The following TRAPPC12 variants were observed in gnomAD, a reference collection of about 807,000 sequenced individuals.
The protein encoded by TRAPPC12 is TPR repeat protein 15.
Under a neutral mutation model 69.2 loss-of-function variants are expected in TRAPPC12, and 61 were observed. The observed-to-expected ratio is 0.88, with a 90% CI of 0.72 to 1.09. The LOEUF (loss-of-function observed/expected upper bound fraction) is 1.09. TRAPPC12 is among the 50% of genes least tolerant of loss of function. The pLI, the probability that TRAPPC12 is intolerant of heterozygous loss-of-function variation, is 0.00. For synonymous variants in TRAPPC12, 469 were observed against 438.9 expected (o/e 1.07, Z -0.86); for missense variants, 1,101 against 1,016.4 (o/e 1.08, Z -1.13).
intron 6 of TRAPPC12, among the ~76,000 whole-genome samples, chr2:3,448,439 C>T (rs545408312): frequency 1.3e-5 from 2 of 152,180 alleles, no homozygotes; most frequent in Non-Finnish European, 2.9e-5. Flanking sequence ...TTGCTCCTGC[C>T]AAAAATTGCT....
intron 7 of TRAPPC12, among the ~76,000 whole-genome samples, chr2:3,459,044 G>A (rs1665336628): frequency 6.6e-6 from 1 of 152,238 alleles, no homozygotes; most frequent in Admixed American, 6.5e-5. Context: ...AAGTTTCTGT[G>A]TGTTCTCCTG....
chr2:3,424,712 G>T, intron 5 of TRAPPC12, 49 bp downstream of exon 5: 1 of 1,512,580 alleles, frequency 6.6e-7, no homozygotes, highest in Non-Finnish European at 8.8e-7. Context: ...GTGTCGCTCT[G>T]GTTTGCTTTG....
intron 8 of TRAPPC12, among the ~76,000 whole-genome samples, chr2:3,461,651 C>T (rs906564769): frequency 3.9e-5 from 6 of 152,192 alleles, no homozygotes; most frequent in African/African-American, 9.7e-5. Flanking sequence ...GTTTTTCTTC[C>T]GCTGCCACTC....
intron 4 of TRAPPC12, 44 bp downstream of exon 4, chr2:3,422,038 C>T: frequency 6.8e-7 from 1 of 1,477,012 alleles, no homozygotes; most frequent in Non-Finnish European, 9.3e-7. Flanking sequence ...TGGCTTATCA[C>T]AGTCTGGGGA....
At chr2:3,457,951 C>A in intron 7 of TRAPPC12, 1 of 1,368,752 alleles carries the variant, frequency 7.3e-7, no homozygotes, top group Non-Finnish European at 9.4e-7. Flanking sequence ...AGCACACGGC[C>A]CGGAACCTGC....
At chr2:3,413,412 C>G (rs966675153) in intron 3 of TRAPPC12, among the ~76,000 whole-genome samples, 5 of 152,198 alleles carry the variant, frequency 3.3e-5, no homozygotes, top group Non-Finnish European at 5.9e-5. Context: ...AATAGAGTGT[C>G]ATTCGGCCAG....
At chr2:3,417,173 T>TA (rs1008911218) in intron 3 of TRAPPC12, among the ~76,000 whole-genome samples, 8 of 152,198 alleles carry the variant, frequency 5.3e-5, no homozygotes, top group African/African-American at 1.7e-4. Context: ...TGTCATTTTG[T>TA]AAAACCCAGC....
At chr2:3,472,993 C>T (rs543161682) in intron 9 of TRAPPC12, among the ~76,000 whole-genome samples, 1 of 152,324 alleles carries the variant, frequency 6.6e-6, no homozygotes, top group Non-Finnish European at 1.5e-5. Flanking sequence ...TGCTAAGACA[C>T]CGAGGGCGGG....
At chr2:3,418,837 C>T (rs1483028684) in intron 3 of TRAPPC12, among the ~76,000 whole-genome samples, 1 of 152,202 alleles carries the variant, frequency 6.6e-6, no homozygotes, top group Non-Finnish European at 1.5e-5. Flanking sequence ...GATGACACGA[C>T]ACTGCTGTGG....
At chr2:3,400,951 T>A (rs1052534801) in intron 2 of TRAPPC12, among the ~76,000 whole-genome samples, 1 of 152,182 alleles carries the variant, frequency 6.6e-6, no homozygotes, top group South Asian at 2.1e-4. Context: ...CTCCCTCCCC[T>A]TGCCCTTCTG....
intron 6 of TRAPPC12, chr2:3,454,846 G>A (rs1665053038): frequency 6.6e-6 from 1 of 152,272 alleles, no homozygotes; most frequent in Non-Finnish European, 1.5e-5. Flanking sequence ...GCTCACTACA[G>A]AGGTCTGGGG....
chr2:3,470,276 C>T (rs1297123547), intron 9 of TRAPPC12, among the ~76,000 whole-genome samples: 1 of 152,266 alleles, frequency 6.6e-6, no homozygotes, highest in Non-Finnish European at 1.5e-5. Flanking sequence ...TTTCCAGCTC[C>T]TAAGAACACC....
chr2:3,433,159 A>G (rs1572151803), intron 5 of TRAPPC12, among the ~76,000 whole-genome samples: 1 of 152,310 alleles, frequency 6.6e-6, no homozygotes, highest in African/African-American at 2.4e-5. Context: ...CAGTATCCCC[A>G]GCGTTGAGCA....
At chr2:3,449,939 T>C (rs911910268) in intron 6 of TRAPPC12, among the ~76,000 whole-genome samples, 4 of 152,130 alleles carry the variant, frequency 2.6e-5, no homozygotes, top group African/African-American at 9.7e-5. Flanking sequence ...CCCTGCTCTT[T>C]GCCATTGAAG....
chr2:3,416,322 G>A (rs11894083), intron 3 of TRAPPC12, among the ~76,000 whole-genome samples: 51,400 of 151,956 alleles, frequency 0.34, 10,071 homozygotes, highest in African/African-American at 0.54. Flanking sequence ...CATTCGCACC[G>A]TGACTTCCAC....
chr2:3,464,196 TACACAC>T (rs1330491972), intron 8 of TRAPPC12, among the ~76,000 whole-genome samples: 2 of 151,296 alleles, frequency 1.3e-5, no homozygotes, highest in Non-Finnish European at 2.9e-5. Flanking sequence ...CACACACGCT[TACACAC>T]ACATGCTCGC....
chr2:3,405,365 G>A (rs1010755054), intron 3 of TRAPPC12, among the ~76,000 whole-genome samples: 10 of 151,982 alleles, frequency 6.6e-5, no homozygotes, highest in Non-Finnish European at 1.0e-4. Flanking sequence ...TACACAGTCC[G>A]CACAGCCCAG....
At chr2:3,409,993 C>G (rs751652512) in intron 3 of TRAPPC12, among the ~76,000 whole-genome samples, 23 of 152,176 alleles carry the variant, frequency 1.5e-4, no homozygotes, top group Admixed American at 3.9e-4. Context: ...GCCGAGCCCT[C>G]TGCGCCTCCA....
intron 6 of TRAPPC12, chr2:3,457,127 G>T (rs1019787769): frequency 1.7e-5 from 8 of 464,626 alleles, no homozygotes. Flanking sequence ...CGTAAAAAAA[G>T]AACCAAATCA....
Sources: gnomAD v4.1 joint callset for allele counts (sites outside exome capture counted in the v4.1 genomes callset) on GRCh38, gnomAD v4.1.1 for gene constraint, MANE v1.5 for transcripts, NCBI Gene and HGNC (gene_info 2026-07-23, HGNC 2026-07-21) for gene names.